GCA: variants seen among roughly 807,000 people sequenced by gnomAD.
GCA encodes grancalcin.
A neutral mutation model predicts 32.6 loss-of-function variants in GCA; 30 were observed. That is an observed-to-expected ratio of 0.92 (90% CI 0.69 to 1.25). The LOEUF (loss-of-function observed/expected upper bound fraction) is 1.25. Among genes scored for constraint, GCA ranks in the 50% most tolerant of loss-of-function variants. GCA has a pLI of 0.00. For synonymous variants in GCA, 102 were observed against 84.6 expected (o/e 1.21, Z -1.13); for missense variants, 291 against 266.8 (o/e 1.09, Z -0.63).
At chr2:162,370,591 G>A (rs970340709) in intron 4 of GCA, among the ~76,000 whole-genome samples, 1 of 152,008 alleles carries the variant, frequency 6.6e-6, no homozygotes, top group Non-Finnish European at 1.5e-5. Context: ...ATTGGCAAAA[G>A]TGTTGGAATA....
chr2:162,333,134 G>A (rs1373484792), intron 1 of GCA, among the ~76,000 whole-genome samples: 1 of 151,984 alleles, frequency 6.6e-6, no homozygotes, highest in Non-Finnish European at 1.5e-5. Flanking sequence ...TTTACCAACA[G>A]TTTTTCATAG....
intron 1 of GCA, among the ~76,000 whole-genome samples, chr2:162,328,158 A>G (rs546303970): frequency 6.7e-6 from 1 of 149,246 alleles, no homozygotes; most frequent in African/African-American, 2.5e-5. Context: ...AGGTGAGTGG[A>G]TCACCTGAAG....
At position 162,368,486 on chromosome 2, in the gene GCA, T is replaced by C. The variant is rs185295749; in HGVS notation, c.366-2820T>C. On this transcript the variant is annotated intron_variant, in intron 4 of 4. Transcript: ENST00000414723. ...TTAAATAACAGTATCTAAAATAATA[T>C]CTAAAATAATAATAATTTTAGATAT... Among the ~76,000 whole-genome samples, 97 of 151,988 alleles carry C rather than the reference T, an allele frequency of 6.4e-4. 1 individual carries two copies. In the Middle Eastern group the frequency reaches 0.037, roughly 59 times the overall value.
At chr2:162,350,466 C>T (rs1450133384) in intron 2 of GCA, among the ~76,000 whole-genome samples, 1 of 152,092 alleles carries the variant, frequency 6.6e-6, no homozygotes, top group East Asian at 1.9e-4. Context: ...AATATTTTCT[C>T]CTGTTTGCAG....
intron 2 of GCA, among the ~76,000 whole-genome samples, chr2:162,349,689 A>G (rs1414708803): frequency 2.6e-5 from 4 of 152,188 alleles, no homozygotes; most frequent in Non-Finnish European, 4.4e-5. Flanking sequence ...GGGGCAATGT[A>G]TCAAAGAGGA....
chr2:162,374,812 C>CCATATAG (rs1190539583), downstream of GCA, among the ~76,000 whole-genome samples: 1 of 152,012 alleles, frequency 6.6e-6, no homozygotes, highest in Non-Finnish European at 1.5e-5. Context: ...GTAAATATAG[C>CCATATAG]CATATAGCTT....
At chr2:162,325,131 T>C (rs1339970911) in intron 1 of GCA, among the ~76,000 whole-genome samples, 1 of 152,218 alleles carries the variant, frequency 6.6e-6, no homozygotes, top group African/African-American at 2.4e-5. Flanking sequence ...TACCCTGACC[T>C]GTTTCAGCCT....
chr2:162,370,974 C>A (rs1018052540), intron 4 of GCA, among the ~76,000 whole-genome samples: 2 of 151,968 alleles, frequency 1.3e-5, no homozygotes, highest in Non-Finnish European at 2.9e-5. Flanking sequence ...CCATGTTGCC[C>A]AGGCTGTATG....
At chr2:162,332,463 G>T (rs1576264020) in intron 1 of GCA, among the ~76,000 whole-genome samples, 1 of 151,070 alleles carries the variant, frequency 6.6e-6, no homozygotes, top group Non-Finnish European at 1.5e-5. Flanking sequence ...ATATTTGGAA[G>T]AATCAAATTA....
At position 162,361,212 on chromosome 2, in the gene GCA, A is replaced by G; in HGVS notation, c.*969A>G. 1.0e-6 allele frequency: 1 copy of G among 984,856 alleles called. No homozygotes were observed. The highest frequency in any genetic ancestry group is 1.2e-6 in the Non-Finnish European group (1 of 829,574). The allele number at this position is 984,856 out of a possible 1,614,324, so 61.0% of individuals were successfully genotyped here. A position where few individuals can be genotyped will look rare whatever the true frequency, so the allele number is the denominator to read the frequency against. ...AAAACCCAGTAAGTATTTTGAGTGC[A>G]TCTATGTGATGTGGTGTTTTGAGCA... On this transcript the variant is annotated 3_prime_UTR_variant, in exon 8 of 8. Coordinates refer to ENST00000437150, the MANE Select transcript of GCA (RefSeq NM_012198.5).
rs1685621436 is a variant in GCA at position 162,362,547 on chromosome 2, CTT to C, written c.*2305_*2306del. The C allele has an allele frequency of 2.1e-6, 2 of 957,830 alleles. No individual in the cohort carries two copies. The highest frequency in any genetic ancestry group is 2.5e-6 in the Non-Finnish European group (2 of 804,938). The allele number at this position is 957,830 out of a possible 1,614,324, so 59.3% of individuals were successfully genotyped here. A position where few individuals can be genotyped will look rare whatever the true frequency, so the allele number is the denominator to read the frequency against. On this transcript the variant is annotated 3_prime_UTR_variant, in exon 8 of 8. Coordinates refer to ENST00000437150, the MANE Select transcript of GCA (RefSeq NM_012198.5). ...TGTAAATTATTGAATAATGTACACTCTTAATGTATAAGTGCTTTTATTTATAC... is the reference window on the plus strand; with the variant it reads ...TGTAAATTATTGAATAATGTACACTCAATGTATAAGTGCTTTTATTTATAC...
chr2:162,326,559 C>T (rs879514714), intron 1 of GCA, among the ~76,000 whole-genome samples: 1 of 152,098 alleles, frequency 6.6e-6, no homozygotes, highest in Non-Finnish European at 1.5e-5. Context: ...TTCTGTCACC[C>T]AGGCTGGAGT....
At chr2:162,366,663 G>GT (rs1685759814), downstream of GCA, among the ~76,000 whole-genome samples, 1 of 151,848 alleles carries the variant, frequency 6.6e-6, no homozygotes, top group Admixed American at 6.6e-5. Flanking sequence ...ACATCACATC[G>GT]TAAGTAGAAC....
downstream of GCA, among the ~76,000 whole-genome samples, chr2:162,363,578 C>G (rs1354972013): frequency 1.3e-5 from 2 of 151,214 alleles, no homozygotes; most frequent in Non-Finnish European, 3.0e-5. Flanking sequence ...TCATATAGTA[C>G]ATATATTAAA....
downstream of GCA, among the ~76,000 whole-genome samples, chr2:162,365,189 A>G (rs1025912067): frequency 6.6e-6 from 1 of 151,530 alleles, no homozygotes; most frequent in African/African-American, 2.4e-5. Flanking sequence ...TCTTTTACAA[A>G]TTCTTGAATT....
intron 1 of GCA, among the ~76,000 whole-genome samples, chr2:162,323,887 T>C (rs1054251868): frequency 2.3e-4 from 35 of 151,996 alleles, no homozygotes; most frequent in Non-Finnish European, 4.1e-4. Context: ...GACTTGGCGA[T>C]GCGGGCTCTT....
intron 4 of GCA, 31 bp downstream of exon 4, chr2:162,356,512 A>G (rs1400664884): frequency 7.7e-7 from 1 of 1,291,876 alleles, no homozygotes; most frequent in Non-Finnish European, 1.1e-6. Flanking sequence ...AAAATACTAG[A>G]ATAAAGAGTA....
At chr2:162,371,434 T>G (rs1685941811) in exon 5 of GCA, 1 of 1,288,382 alleles carries the variant, frequency 7.8e-7, no homozygotes, top group Non-Finnish European at 1.0e-6. Flanking sequence ...TGAATTTGAG[T>G]TGCATCCATG....
intron 1 of GCA, among the ~76,000 whole-genome samples, chr2:162,331,955 T>C (rs1463060598): frequency 6.6e-6 from 1 of 152,166 alleles, no homozygotes; most frequent in South Asian, 2.1e-4. Flanking sequence ...CTAAATTCAT[T>C]GGCCTGGGCA....
Sources: allele counts gnomAD v4.1 joint callset (sites outside exome capture counted in the v4.1 genomes callset), GRCh38; gene constraint gnomAD v4.1.1; transcripts MANE v1.5; gene names NCBI Gene and HGNC (gene_info 2026-07-23, HGNC 2026-07-21).